Variants in MMP16 observed in about 807,000 individuals in gnomAD.
MMP16 encodes the protein matrix metallopeptidase 16.
In MMP16, 12 loss-of-function variants were observed where a neutral mutation model predicts 67.8. The ratio of observed to expected loss-of-function variants is 0.18; its 90% CI spans 0.11 to 0.29. The LOEUF (loss-of-function observed/expected upper bound fraction) is 0.29. Among genes scored for constraint, MMP16 ranks in the 10% least tolerant of loss-of-function variants. The probability of loss-of-function intolerance (pLI) is 1.00; values close to 1 mark genes in which losing one functional copy is unlikely to be tolerated. For missense variants in MMP16, 475 were observed against 765.7 expected, an observed-to-expected ratio of 0.62 and a Z score of 4.48; for synonymous variants, 249 against 255.9, an observed-to-expected ratio of 0.97 and a Z score of 0.26.
At chr8:88,279,717 T>C (rs930011173) in intron 1 of MMP16, among the ~76,000 whole-genome samples, 16 of 152,060 alleles carry the variant, frequency 1.1e-4, no homozygotes, top group African/African-American at 3.4e-4. Context: ...AAAAACAAAA[T>C]ATGGAGGGAG....
At chr8:88,079,364 T>C (rs1209768169) in intron 6 of MMP16, among the ~76,000 whole-genome samples, 2 of 152,154 alleles carry the variant, frequency 1.3e-5, no homozygotes, top group South Asian at 2.1e-4. Context: ...TCTATTTCAT[T>C]ATTGTTAATC....
chr8:88,235,049 T>C (rs888998605), intron 1 of MMP16, among the ~76,000 whole-genome samples: 2 of 152,144 alleles, frequency 1.3e-5, no homozygotes, highest in Non-Finnish European at 1.5e-5. Context: ...GGATTCTGTA[T>C]CACCCCAAAA....
intron 1 of MMP16, 183 bp downstream of exon 1, chr8:88,326,892 T>C (rs1811547726): frequency 3.3e-6 from 2 of 611,208 alleles, no homozygotes; most frequent in Non-Finnish European, 5.5e-6. Context: ...TAACGGATTC[T>C]GGGTCTCACA....
At chr8:88,206,352 T>A (rs1809426460) in intron 1 of MMP16, among the ~76,000 whole-genome samples, 1 of 152,144 alleles carries the variant, frequency 6.6e-6, no homozygotes, top group Non-Finnish European at 1.5e-5. Flanking sequence ...AAAAAATAAA[T>A]TCCCAGCTGG....
At chr8:88,144,652 T>C (rs927100560) in intron 4 of MMP16, among the ~76,000 whole-genome samples, 2 of 151,796 alleles carry the variant, frequency 1.3e-5, no homozygotes, top group African/African-American at 4.8e-5. Flanking sequence ...GTAAGAGTAA[T>C]TGGAATTAAG....
At chr8:88,228,022 T>C (rs573961124) in intron 1 of MMP16, among the ~76,000 whole-genome samples, 7 of 152,182 alleles carry the variant, frequency 4.6e-5, no homozygotes, top group African/African-American at 1.4e-4. Flanking sequence ...AAATGACTAA[T>C]GAACATGAAA....
chr8:88,157,129 C>A (rs2681297), intron 4 of MMP16, among the ~76,000 whole-genome samples: 94,483 of 151,854 alleles, frequency 0.62, 30,349 homozygotes, highest in African/African-American at 0.78. Context: ...TTGGCCCTCC[C>A]TATCCATGGC....
At chr8:88,262,917 C>T (rs978911084) in intron 1 of MMP16, among the ~76,000 whole-genome samples, 3 of 148,058 alleles carry the variant, frequency 2.0e-5, no homozygotes, top group South Asian at 2.1e-4. Flanking sequence ...CCCAGCTACT[C>T]GGGAGGCTGA....
At chr8:88,264,398 G>A (rs1810442453) in intron 1 of MMP16, among the ~76,000 whole-genome samples, 1 of 152,084 alleles carries the variant, frequency 6.6e-6, no homozygotes, top group African/African-American at 2.4e-5. Flanking sequence ...ATAGGATCTT[G>A]CTGTGTTGCT....
At chr8:88,213,554 T>C (rs1162982960) in intron 1 of MMP16, among the ~76,000 whole-genome samples, 1 of 152,158 alleles carries the variant, frequency 6.6e-6, no homozygotes, top group Non-Finnish European at 1.5e-5. Flanking sequence ...TATAACTGAC[T>C]TCTCCGAATT....
intron 1 of MMP16, among the ~76,000 whole-genome samples, chr8:88,235,940 C>T (rs1234699098): frequency 1.3e-5 from 2 of 151,726 alleles, no homozygotes; most frequent in Admixed American, 6.6e-5. Flanking sequence ...TATTTTCAAA[C>T]CTCATAAAGT....
chr8:88,172,295 G>T (rs943261808), intron 3 of MMP16, among the ~76,000 whole-genome samples: 1 of 152,042 alleles, frequency 6.6e-6, no homozygotes, highest in African/African-American at 2.4e-5. Flanking sequence ...CAATGTAGTG[G>T]TAATTTAATG....
intron 8 of MMP16, among the ~76,000 whole-genome samples, chr8:88,050,335 T>G (rs1297986429): frequency 2.6e-5 from 4 of 151,970 alleles, no homozygotes; most frequent in Non-Finnish European, 5.9e-5. Context: ...ATAATAATAA[T>G]AAATAAAATT....
chr8:88,206,704 C>A (rs1016408216), intron 1 of MMP16, among the ~76,000 whole-genome samples: 1 of 152,138 alleles, frequency 6.6e-6, no homozygotes, highest in Admixed American at 6.5e-5. Flanking sequence ...GTGTTTTGGT[C>A]TTTATTTAGA....
intron 6 of MMP16, among the ~76,000 whole-genome samples, chr8:88,105,334 T>C (rs1288703890): frequency 6.6e-6 from 1 of 151,522 alleles, no homozygotes; most frequent in Non-Finnish European, 1.5e-5. Context: ...GGATGAATTA[T>C]CATATATGGG....
rs189924663 is a variant in MMP16, at chr8:88,159,743, A to G, written c.709+7926T>C. Among the ~76,000 whole-genome samples, 813 of 152,160 alleles carry G rather than the reference A, an allele frequency of 5.3e-3. 12 individuals carry two copies. Among genetic ancestry groups the G allele is most frequent in the Admixed American group, 8.5e-3 (130 of 15,272 alleles). Reference sequence around the variant, plus strand: ...AAGGGAATTCTTCTAGTTTTTGCCCATTCAGTATGAGGTTGGCTGTGGGTT... The same window carrying G: ...AAGGGAATTCTTCTAGTTTTTGCCCGTTCAGTATGAGGTTGGCTGTGGGTT... On this transcript the variant is annotated intron_variant, in intron 4 of 9. Transcript: ENST00000286614.
At chr8:88,272,954 G>A (rs1810588987) in intron 1 of MMP16, among the ~76,000 whole-genome samples, 1 of 151,296 alleles carries the variant, frequency 6.6e-6, no homozygotes, top group South Asian at 2.1e-4. Context: ...AAAGAGAACT[G>A]GAATAGAACA....
chr8:88,073,516 T>C (rs1018822067), intron 7 of MMP16, among the ~76,000 whole-genome samples: 1 of 152,124 alleles, frequency 6.6e-6, no homozygotes, highest in African/African-American at 2.4e-5. Flanking sequence ...GTGTTCAAGG[T>C]TGGCAACATG....
intron 1 of MMP16, among the ~76,000 whole-genome samples, chr8:88,281,726 G>A (rs2129995272): frequency 6.6e-6 from 1 of 152,278 alleles, no homozygotes; most frequent in Non-Finnish European, 1.5e-5. Context: ...GCTGCCCCCT[G>A]TCAGGGGGTG....
Sources: gnomAD v4.1 joint callset for allele counts (sites outside exome capture counted in the v4.1 genomes callset) on GRCh38, gnomAD v4.1.1 for gene constraint, MANE v1.5 for transcripts, NCBI Gene and HGNC (gene_info 2026-07-23, HGNC 2026-07-21) for gene names.